The following TAFA2 variants were observed in gnomAD, a reference collection of about 807,000 sequenced individuals.
TAFA2 encodes TAFA chemokine like family member 2.
TAFA2 carries 7 observed loss-of-function variants against 18.8 expected under a neutral mutation model. The observed-to-expected ratio is 0.37, with a 90% CI of 0.21 to 0.70. TAFA2 has a LOEUF of 0.70. TAFA2 is among the 30% of genes least tolerant of loss of function. The pLI is 0.53. For synonymous variants in TAFA2, 60 were observed against 54.2 expected (o/e 1.11, Z -0.47); for missense variants, 122 against 158.1 (o/e 0.77, Z 1.23).
At chr12:61,739,821 G>C (rs996218060) in intron 4 of TAFA2, among the ~76,000 whole-genome samples, 3 of 151,988 alleles carry the variant, frequency 2.0e-5, no homozygotes, top group African/African-American at 4.8e-5. Context: ...ATTGAAGTTG[G>C]GGGTTGAGAT....
At chr12:62,224,001 T>C (rs1240301732) in intron 1 of TAFA2, among the ~76,000 whole-genome samples, 1 of 152,024 alleles carries the variant, frequency 6.6e-6, no homozygotes, top group Non-Finnish European at 1.5e-5. Context: ...AATCTTATTA[T>C]TCACAATAGC....
chr12:62,209,239 T>C (rs2062704124), intron 1 of TAFA2, among the ~76,000 whole-genome samples: 1 of 152,220 alleles, frequency 6.6e-6, no homozygotes. Context: ...AACTGAATCA[T>C]GGGGACAGTT....
intron 1 of TAFA2, among the ~76,000 whole-genome samples, chr12:62,153,720 T>A (rs1024318612): frequency 1.3e-5 from 2 of 151,354 alleles, no homozygotes; most frequent in African/African-American, 2.4e-5. Flanking sequence ...CAATGTCGTA[T>A]AGTGGAAAAG....
chr12:61,872,494 A>C (rs1874654769), intron 1 of TAFA2, among the ~76,000 whole-genome samples: 1 of 152,122 alleles, frequency 6.6e-6, no homozygotes, highest in South Asian at 2.1e-4. Context: ...GATCATTATA[A>C]AATGTAAATC....
rs3034059 is a variant in TAFA2 at position 61,821,128 on chromosome 12, T to TACACACACACAC, written c.106+46180_106+46191dup. 8.7e-3 allele frequency among the ~76,000 whole-genome samples: 1,270 copies of TACACACACACAC among 146,560 alleles called. 15 individuals carry two copies. The highest frequency in any genetic ancestry group is 0.03 in the African/African-American group (1,193 of 39,708). The stretch of plus-strand genomic sequence containing the variant: ...GTGTTGACACTTCATTTGATAGGGG[T>TACACACACACAC]ACACACACACACACACACACACACA... On this transcript the variant is annotated intron_variant, in intron 2 of 4. Coordinates refer to ENST00000416284, the MANE Select transcript of TAFA2 (RefSeq NM_178539.5).
At chr12:62,067,055 T>C (rs145810254) in intron 1 of TAFA2, among the ~76,000 whole-genome samples, 1,973 of 152,278 alleles carry the variant, frequency 0.013, 28 homozygotes, top group Middle Eastern at 0.024. Flanking sequence ...TGCATTTATC[T>C]GAAGATCAGT....
At chr12:62,123,519 A>G (rs970865182) in intron 1 of TAFA2, among the ~76,000 whole-genome samples, 4 of 151,378 alleles carry the variant, frequency 2.6e-5, no homozygotes, top group African/African-American at 9.7e-5. Flanking sequence ...GAAAAGTAAG[A>G]AAAAAAAAGT....
intron 2 of TAFA2, among the ~76,000 whole-genome samples, chr12:61,798,653 G>A (rs893765561): frequency 6.6e-6 from 1 of 152,130 alleles, no homozygotes; most frequent in Non-Finnish European, 1.5e-5. Flanking sequence ...AATGCATAAT[G>A]TTTCTAAGAA....
chr12:61,899,247 C>T (rs962908368), intron 1 of TAFA2, among the ~76,000 whole-genome samples: 1 of 152,184 alleles, frequency 6.6e-6, no homozygotes, highest in Non-Finnish European at 1.5e-5. Context: ...GGACAGACAA[C>T]TCTGTGGGGA....
chr12:61,756,906 T>C (rs1351776836), intron 2 of TAFA2, among the ~76,000 whole-genome samples: 3 of 151,950 alleles, frequency 2.0e-5, no homozygotes, highest in Admixed American at 1.3e-4. Context: ...GGGGGAAGTG[T>C]GGTATATCCC....
At chr12:61,965,065 C>A (rs1484108358) in intron 1 of TAFA2, among the ~76,000 whole-genome samples, 1 of 151,774 alleles carries the variant, frequency 6.6e-6, no homozygotes, top group Non-Finnish European at 1.5e-5. Flanking sequence ...AATGTATCCC[C>A]CAAATCCAAA....
intron 4 of TAFA2, among the ~76,000 whole-genome samples, chr12:61,737,598 A>T (rs1344636683): frequency 6.6e-6 from 1 of 151,890 alleles, no homozygotes; most frequent in Non-Finnish European, 1.5e-5. Flanking sequence ...TAAAAAAAAA[A>T]ACTTAGTTTC....
chr12:62,240,366 C>G (rs1271934240), intron 1 of TAFA2, among the ~76,000 whole-genome samples: 1 of 151,424 alleles, frequency 6.6e-6, no homozygotes, highest in Non-Finnish European at 1.5e-5. Flanking sequence ...TTGCAGTGAG[C>G]CGAGATAGCG....
At chr12:61,910,082 TTGTGTGTGTGTGTGTGTTTGTGTG>T (rs1219912121) in intron 1 of TAFA2, among the ~76,000 whole-genome samples, 4 of 130,380 alleles carry the variant, frequency 3.1e-5, no homozygotes, top group African/African-American at 8.8e-5. Context: ...GTGTGCGTGC[TTGTGTGTGTGTGTGTGTTTGTGTG>T]TGTGTGTGTG....
At chr12:62,134,394 T>C (rs1183134420) in intron 1 of TAFA2, among the ~76,000 whole-genome samples, 1 of 151,788 alleles carries the variant, frequency 6.6e-6, no homozygotes, top group African/African-American at 2.4e-5. Context: ...CCTCTCTCTT[T>C]CCCTCTCTCT....
intron 1 of TAFA2, among the ~76,000 whole-genome samples, chr12:62,001,626 G>T (rs75452909): frequency 6.6e-6 from 1 of 151,884 alleles, no homozygotes; most frequent in Admixed American, 6.6e-5. Context: ...GAGCTCAGGC[G>T]GTAATGCAAG....
At chr12:61,980,558 C>T (rs1208038008) in intron 1 of TAFA2, among the ~76,000 whole-genome samples, 2 of 152,220 alleles carry the variant, frequency 1.3e-5, no homozygotes, top group Non-Finnish European at 2.9e-5. Flanking sequence ...TTAGAAAAAC[C>T]CATCGTCTCA....
rs1030717802 is a variant in TAFA2 at position 62,191,655 on chromosome 12, G to T, written c.-398C>A. 6.6e-6 allele frequency: 1 copy of T among 152,274 alleles called. No homozygotes were observed. The highest frequency in any genetic ancestry group is 1.5e-5 in the Non-Finnish European group (1 of 68,086). 9.4% of individuals were successfully genotyped at this position (152,274 alleles called of 1,614,324 possible). ...AGTCCCGCAGCCCTTGGCAGCGCCCGCGGTCGCCTCCTGTCCTCGCCGGAT... is the reference window on the plus strand; with the variant it reads ...AGTCCCGCAGCCCTTGGCAGCGCCCTCGGTCGCCTCCTGTCCTCGCCGGAT... On this transcript the variant is annotated 5_prime_UTR_variant, in exon 1 of 5. Transcript: ENST00000416284.
chr12:61,969,767 T>C (rs1050414127), intron 1 of TAFA2, among the ~76,000 whole-genome samples: 4 of 151,680 alleles, frequency 2.6e-5, no homozygotes, highest in African/African-American at 9.7e-5. Flanking sequence ...TAGAACTCAA[T>C]ACACGTTTGA....
Sources: allele counts gnomAD v4.1 joint callset (sites outside exome capture counted in the v4.1 genomes callset), GRCh38; gene constraint gnomAD v4.1.1; transcripts MANE v1.5; gene names NCBI Gene and HGNC (gene_info 2026-07-23, HGNC 2026-07-21).